The following ZNF532 variants were observed in gnomAD, a reference collection of about 807,000 sequenced individuals.
ZNF532 encodes the protein zinc finger protein 532.
In ZNF532, 22 loss-of-function variants were observed where a neutral mutation model predicts 89.3. The observed-to-expected ratio is 0.25, with a 90% CI of 0.18 to 0.35. The LOEUF (loss-of-function observed/expected upper bound fraction) is 0.35. Among genes scored for constraint, ZNF532 ranks in the 10% least tolerant of loss-of-function variants. The pLI is 1.00. For synonymous variants in ZNF532, 606 were observed against 649.6 expected (o/e 0.93, Z 1.02); for missense variants, 1,132 against 1,643.4 (o/e 0.69, Z 5.38).
intron 2 of ZNF532, among the ~76,000 whole-genome samples, chr18:58,873,446 A>ATTT (rs796837430): frequency 6.8e-6 from 1 of 146,674 alleles, no homozygotes; most frequent in African/African-American, 2.5e-5. Context: ...GATTTTGCTG[A>ATTT]TTTTTTTTTT....
In ZNF532 at chr18:58,864,955, G is replaced by A. The variant is rs1204240221; in HGVS notation, c.-558G>A. On this transcript the variant is annotated 5_prime_UTR_variant, in exon 1 of 10. It adds an upstream start codon to the 5' untranslated region. Coordinates refer to ENST00000591808, the MANE Select transcript of ZNF532 (RefSeq NM_001375912.1). ...GGAAGGTACCATCCCTACACAGTAT[G>A]TGAATGCACACTTAGACACCACACA... 6.6e-6 allele frequency: 1 copy of A among 152,260 alleles called. No individual in the cohort carries two copies. Among genetic ancestry groups the A allele is most frequent in the African/African-American group, 2.4e-5 (1 of 41,444 alleles). 9.4% of individuals were successfully genotyped at this position (152,260 alleles called of 1,614,324 possible). A position where few individuals can be genotyped will look rare whatever the true frequency, so the allele number is the denominator to read the frequency against.
At chr18:58,882,587 G>A (rs1602592641) in intron 2 of ZNF532, among the ~76,000 whole-genome samples, 2 of 152,140 alleles carry the variant, frequency 1.3e-5, no homozygotes, top group African/African-American at 4.8e-5. Context: ...GACTGCAGGT[G>A]TGCAACACCA....
chr18:58,965,569 T>A (rs2065839295), intron 7 of ZNF532, among the ~76,000 whole-genome samples: 1 of 152,248 alleles, frequency 6.6e-6, no homozygotes, highest in Non-Finnish European at 1.5e-5. Context: ...GCTTTTGATG[T>A]AGTCATTTTC....
In ZNF532 at chr18:58,920,516, T is replaced by C; in HGVS notation, c.2229T>C (p.Asp743=). The change falls in exon 3 of 10, where the codon GAT becomes GAC. Residue 743 remains aspartate (D), a synonymous_variant. Coordinates refer to ENST00000591808, the MANE Select transcript of ZNF532 (RefSeq NM_001375912.1). ...STPITPAMPL[D]EDPSKLCRHS... The stretch of plus-strand genomic sequence containing the variant: ...CCATCACCCCAGCCATGCCCCTAGA[T>C]GAAGACCCCTCCAAACTGTGTAGAC... 6.2e-6 allele frequency: 10 copies of C among 1,613,948 alleles called. No individual in the cohort carries two copies. The highest frequency in any genetic ancestry group is 7.6e-6 in the Non-Finnish European group (9 of 1,179,852).
At chr18:58,881,413 A>G (rs528701804) in intron 2 of ZNF532, among the ~76,000 whole-genome samples, 13 of 152,152 alleles carry the variant, frequency 8.5e-5, no homozygotes, top group Admixed American at 2.0e-4. Context: ...GATTACACGC[A>G]TGAGCCACTG....
chr18:58,891,908 G>T (rs1010301995), intron 2 of ZNF532, among the ~76,000 whole-genome samples: 1 of 152,180 alleles, frequency 6.6e-6, no homozygotes, highest in East Asian at 1.9e-4. Flanking sequence ...ATTTGGAATA[G>T]AACATTTCCT....
At chr18:58,888,938 ATCCG>A (rs2058698100) in intron 2 of ZNF532, among the ~76,000 whole-genome samples, 1 of 111,474 alleles carries the variant, frequency 9.0e-6, no homozygotes, top group Non-Finnish European at 1.7e-5. Context: ...AGTATCCCTT[ATCCG>A]TAATGCTTGG....
intron 3 of ZNF532, among the ~76,000 whole-genome samples, chr18:58,920,927 AGTG>A (rs1221788447): frequency 6.6e-6 from 1 of 151,846 alleles, no homozygotes; most frequent in Non-Finnish European, 1.5e-5. Flanking sequence ...TGGTAGTGGC[AGTG>A]GTGGTTGTGG....
chr18:58,982,578 C>T (rs1003726871), intron 9 of ZNF532, among the ~76,000 whole-genome samples: 6 of 151,992 alleles, frequency 3.9e-5, no homozygotes, highest in Non-Finnish European at 7.4e-5. Context: ...GCCAAGATCA[C>T]GCCACTGCAC....
At position 58,985,484 on chromosome 18, in the gene ZNF532, T is replaced by C. The variant is rs544156039; in HGVS notation, c.*1018T>C. On this transcript the variant is annotated 3_prime_UTR_variant, in exon 10 of 10. Coordinates refer to ENST00000591808, the MANE Select transcript of ZNF532 (RefSeq NM_001375912.1). ...TTCTGGGTGCTACTGCCAAACGTTA[T>C]GGTACTTAGAGTCGGGATGCACAAC... The C allele has an allele frequency of 1.6e-4, 24 of 152,634 alleles. No individual in the cohort carries two copies. Among genetic ancestry groups the C allele is most frequent in the Non-Finnish European group, 2.8e-4 (19 of 68,044 alleles). 9.5% of individuals were successfully genotyped at this position (152,634 alleles called of 1,614,324 possible). A position where few individuals can be genotyped will look rare whatever the true frequency, so the allele number is the denominator to read the frequency against.
At chr18:58,951,942 C>T (rs62095513) in intron 6 of ZNF532, among the ~76,000 whole-genome samples, 5 of 152,022 alleles carry the variant, frequency 3.3e-5, no homozygotes, top group African/African-American at 4.8e-5. Context: ...AGCCACTGCG[C>T]GTGGCCCACC....
chr18:58,962,853 G>A (rs1363453418), intron 7 of ZNF532, among the ~76,000 whole-genome samples: 1 of 151,836 alleles, frequency 6.6e-6, no homozygotes, highest in Non-Finnish European at 1.5e-5. Context: ...TGCCCGCCTC[G>A]GCCTCCCAAA....
intron 7 of ZNF532, among the ~76,000 whole-genome samples, chr18:58,977,188 A>G (rs2067157798): frequency 6.6e-6 from 1 of 152,132 alleles, no homozygotes; most frequent in African/African-American, 2.4e-5. Flanking sequence ...TACCAGACTG[A>G]TTTGGTTTAT....
chr18:58,869,431 T>C (rs1048669896), intron 2 of ZNF532, among the ~76,000 whole-genome samples: 3 of 152,254 alleles, frequency 2.0e-5, no homozygotes, highest in African/African-American at 7.2e-5. Flanking sequence ...ATATCCTTTA[T>C]TTCCTGCAGC....
intron 4 of ZNF532, among the ~76,000 whole-genome samples, chr18:58,937,815 T>G (rs1159386511): frequency 6.6e-6 from 1 of 152,240 alleles, no homozygotes; most frequent in Non-Finnish European, 1.5e-5. Context: ...AGAGGAGCAT[T>G]AACCTGTTCA....
At chr18:58,914,532 TAGCC>T (rs2145951648) in intron 2 of ZNF532, among the ~76,000 whole-genome samples, 3 of 152,192 alleles carry the variant, frequency 2.0e-5, no homozygotes, top group Non-Finnish European at 4.4e-5. Flanking sequence ...ATACAAAAAT[TAGCC>T]AGATGTGGTG....
Position 58,865,011 on chromosome 18 carries a change from A to G in ZNF532, c.-502A>G, listed in dbSNP as rs2056323180. 6.6e-6 allele frequency: 1 copy of G among 152,294 alleles called. No individual in the cohort carries two copies. The highest frequency in any genetic ancestry group is 1.9e-4 in the East Asian group (1 of 5,204). 9.4% of individuals were successfully genotyped at this position (152,294 alleles called of 1,614,324 possible). On this transcript the variant is annotated 5_prime_UTR_variant, in exon 1 of 10. Transcript: ENST00000591808. The stretch of plus-strand genomic sequence containing the variant: ...GGTACGTGACTAATGGAGCCCTAAA[A>G]GATTCTGGGTAGAGAAGATGGAAAA...
intron 2 of ZNF532, chr18:58,916,625 G>C: frequency 1.3e-6 from 1 of 786,484 alleles, no homozygotes; most frequent in South Asian, 5.8e-5. Context: ...GAATAGAAGC[G>C]GATTTATTCT....
At chr18:58,875,568 A>T (rs1036727979) in intron 2 of ZNF532, among the ~76,000 whole-genome samples, 1 of 152,136 alleles carries the variant, frequency 6.6e-6, no homozygotes, top group Admixed American at 6.5e-5. Flanking sequence ...TCTCCATCAC[A>T]GGTCTACACA....
Sources: gnomAD v4.1 joint callset for allele counts (sites outside exome capture counted in the v4.1 genomes callset) on GRCh38, gnomAD v4.1.1 for gene constraint, MANE v1.5 for transcripts, NCBI Gene and HGNC (gene_info 2026-07-23, HGNC 2026-07-21) for gene names.